The following LARP6 variants were observed in gnomAD, a reference collection of about 807,000 sequenced individuals.
The protein encoded by LARP6 is La ribonucleoprotein 6, translational regulator.
A neutral mutation model predicts 32.8 loss-of-function variants in LARP6; 18 were observed. That is an observed-to-expected ratio of 0.55 (90% CI 0.38 to 0.81). The LOEUF is 0.81. Ranked by LOEUF, LARP6 falls within the 40% of genes least tolerant of loss-of-function variation. The pLI is 0.00. For missense variants in LARP6, 598 were observed against 663.1 expected (o/e 0.90, Z 1.08); for synonymous variants, 289 against 267.2 (o/e 1.08, Z -0.80).
At chr15:70,852,407 G>T in intron 1 of LARP6, 1 of 362,704 alleles carries the variant, frequency 2.8e-6, no homozygotes, top group Non-Finnish European at 5.5e-6. Context: ...GACCTCCATA[G>T]GGGATCTTTC....
chr15:70,844,867 A>G (rs939613438), intron 1 of LARP6, among the ~76,000 whole-genome samples: 3 of 152,098 alleles, frequency 2.0e-5, no homozygotes, highest in Non-Finnish European at 2.9e-5. Context: ...TGCTAGTTGG[A>G]GTATACATTT....
At chr15:70,853,086 A>C (rs1419227034) in intron 1 of LARP6, among the ~76,000 whole-genome samples, 1 of 152,156 alleles carries the variant, frequency 6.6e-6, no homozygotes, top group Non-Finnish European at 1.5e-5. Flanking sequence ...CAGCAGGAAC[A>C]AAACACCAGT....
At position 70,832,452 on chromosome 15, in the gene LARP6, T is replaced by C; in HGVS notation, c.1076A>G (p.Asn359Ser). Residue 359 changes from asparagine (N) to serine (S), a missense_variant, in exon 3 of 3, where the codon AAC becomes AGC. Asn to Ser is a conservative substitution (Grantham distance 46, BLOSUM62 1). This residue lies in a region of LARP6 where 368 missense variants were observed against 397.9 expected (regional missense o/e 0.92). Transcript: ENST00000299213. ...CTGGTGGCCAGACGGGCTGAGCTTG[T>C]TGGTGGCCGCGTGCCGTCGGCCCGC... ...PMAGRRHAAT[N>S]KLSPSGHQNL... 6.4e-7 allele frequency: 1 copy of C among 1,560,366 alleles called. No individual in the cohort carries two copies. Among genetic ancestry groups the C allele is most frequent in the Non-Finnish European group, 8.6e-7 (1 of 1,156,156 alleles).
intron 1 of LARP6, among the ~76,000 whole-genome samples, chr15:70,843,926 G>T (rs1400438613): frequency 3.4e-5 from 5 of 148,924 alleles, no homozygotes; most frequent in African/African-American, 1.2e-4. Context: ...AAAGTGCTAG[G>T]ATTACAGGCG....
At chr15:70,851,887 GTCAA>G in intron 1 of LARP6, 12 of 1,059,196 alleles carry the variant, frequency 1.1e-5, no homozygotes, top group Non-Finnish European at 1.6e-5. Flanking sequence ...CTAGAAATCA[GTCAA>G]TCAGAGGACC....
Position 70,836,504 on chromosome 15 carries a change from C to G in LARP6, c.202G>C (p.Gly68Arg). 1.9e-6 allele frequency: 3 copies of G among 1,613,500 alleles called. No homozygotes were observed. Among genetic ancestry groups the G allele is most frequent in the Non-Finnish European group, 2.5e-6 (3 of 1,179,398 alleles). Residue 68 changes from glycine to arginine, a missense_variant and splice_region_variant, in exon 2 of 3, where the codon GGC (glycine) becomes CGC (arginine). Around this residue, in one of 3 missense-constraint regions of LARP6, gnomAD observed 161 missense variants for 148.6 expected, o/e 1.08. Coordinates refer to ENST00000299213, the MANE Select transcript of LARP6 (RefSeq NM_018357.4). ...SEEEPSRGHS[G>R]TTASGGENER... ...TTCTCACCTCCACTTGCAGTGGTGC[C>G]ACTGAGACCAGAAGGAGACACCGGG...
At chr15:70,844,058 G>T (rs1335781987) in intron 1 of LARP6, among the ~76,000 whole-genome samples, 3 of 151,390 alleles carry the variant, frequency 2.0e-5, no homozygotes, top group Admixed American at 6.6e-5. Flanking sequence ...CCAGGTTCAA[G>T]CAATTCTCCC....
At chr15:70,840,463 C>G (rs2032232396) in intron 1 of LARP6, among the ~76,000 whole-genome samples, 1 of 152,268 alleles carries the variant, frequency 6.6e-6, no homozygotes, top group Admixed American at 6.5e-5. Context: ...TCGCTTGAAC[C>G]CGGCGGGCGG....
rs547726662 is a variant in LARP6, at chr15:70,831,708, GGAAAAATTCCATACCAAAGAAGAGA to G, written c.*319_*343del. 234 of 173,756 alleles carry G rather than the reference GGAAAAATTCCATACCAAAGAAGAGA, an allele frequency of 1.3e-3. No homozygotes were observed. Among genetic ancestry groups the G allele is most frequent in the Non-Finnish European group, 2.3e-3 (190 of 82,906 alleles). 10.8% of individuals were successfully genotyped at this position (173,756 alleles called of 1,614,324 possible). A position where few individuals can be genotyped will look rare whatever the true frequency, so the allele number is the denominator to read the frequency against. ...ATCGAGGACAGCTCAGTCACTGAAGGGAAAAATTCCATACCAAAGAAGAGAGAAAAATTCCATACCAAAGAACAGA... is the reference window on the plus strand; with the variant it reads ...ATCGAGGACAGCTCAGTCACTGAAGGGAAAAATTCCATACCAAAGAACAGA... On this transcript the variant is annotated 3_prime_UTR_variant, in exon 3 of 3. Transcript: ENST00000299213.
chr15:70,840,840 C>T (rs1052646477), intron 1 of LARP6, among the ~76,000 whole-genome samples: 2 of 151,874 alleles, frequency 1.3e-5, no homozygotes, highest in African/African-American at 4.8e-5. Flanking sequence ...GCAATAGATG[C>T]TATTACAAAA....
At chr15:70,852,025 G>A (rs990785893) in intron 1 of LARP6, 5 of 403,564 alleles carry the variant, frequency 1.2e-5, no homozygotes, top group African/African-American at 2.1e-5. Context: ...CTGAGGAGAT[G>A]ATGTGAGTGG....
At chr15:70,837,639 C>T (rs904812924) in intron 1 of LARP6, among the ~76,000 whole-genome samples, 9 of 152,290 alleles carry the variant, frequency 5.9e-5, no homozygotes, top group African/African-American at 1.4e-4. Flanking sequence ...GGTGCGATCT[C>T]CATGTGGATA....
Position 70,832,360 on chromosome 15 carries a change from T to A in LARP6, c.1168A>T (p.Lys390Ter). ...SPWSSPLAQR[K>*]GVSRKSPLAE... ...AGTGGGGACTTTCTGGAAACGCCTT[T>A]GCGTTGGGCCAAGGGGCTGCTCCAA... Residue 390 changes from lysine to a stop codon, truncating the protein, a stop_gained, in exon 3 of 3, where the codon AAA becomes TAA. Transcript: ENST00000299213. LOFTEE classifies it high-confidence loss of function. The A allele has an allele frequency of 1.2e-6, 2 of 1,614,062 alleles. No homozygotes were observed. Among genetic ancestry groups the A allele is most frequent in the Non-Finnish European group, 1.7e-6 (2 of 1,179,938 alleles).
chr15:70,850,194 T>A (rs564343944), intron 1 of LARP6, among the ~76,000 whole-genome samples: 1 of 152,148 alleles, frequency 6.6e-6, no homozygotes, highest in Non-Finnish European at 1.5e-5. Flanking sequence ...CAATAACAAG[T>A]AAGGAGATTG....
rs900455747 is a variant in LARP6 at position 70,829,559 on chromosome 15, A to C, written c.*2493T>G. 1.3e-5 allele frequency: 2 copies of C among 152,256 alleles called. No homozygotes were observed. The highest frequency in any genetic ancestry group is 1.5e-5 in the Non-Finnish European group (1 of 68,046). 9.4% of individuals were successfully genotyped at this position (152,256 alleles called of 1,614,324 possible). ...CAGACAGCAGGATAAGTAGTGACTA[A>C]TGCCTGCAAAGCACTTTTCCATTCA... On this transcript the variant is annotated 3_prime_UTR_variant, in exon 3 of 3. Transcript: ENST00000299213.
chr15:70,833,448 C>CAA (rs1184980967), intron 2 of LARP6, among the ~76,000 whole-genome samples: 1 of 152,182 alleles, frequency 6.6e-6, no homozygotes, highest in Non-Finnish European at 1.5e-5. Context: ...ATCAAAGGCC[C>CAA]ACCTCTAGCT....
intron 2 of LARP6, among the ~76,000 whole-genome samples, chr15:70,835,973 C>T (rs1183930447): frequency 6.6e-6 from 1 of 152,182 alleles, no homozygotes; most frequent in African/African-American, 2.4e-5. Context: ...GCCTTCGAGT[C>T]CGTCTGTCCT....
chr15:70,840,209 T>C (rs1350032300), intron 1 of LARP6, among the ~76,000 whole-genome samples: 1 of 152,200 alleles, frequency 6.6e-6, no homozygotes, highest in Admixed American at 6.5e-5. Context: ...AATTTCACTT[T>C]ATTAGGGAAA....
At chr15:70,851,648 G>A in intron 1 of LARP6, 2 of 1,613,764 alleles carry the variant, frequency 1.2e-6, no homozygotes, top group Non-Finnish European at 1.7e-6. Context: ...CCTATGTGCT[G>A]GGTGCTGTGC....
Sources: allele counts gnomAD v4.1 joint callset (sites outside exome capture counted in the v4.1 genomes callset), GRCh38; gene constraint gnomAD v4.1.1; regional missense constraint gnomAD v4.1.1; transcripts MANE v1.5; gene names NCBI Gene and HGNC (gene_info 2026-07-23, HGNC 2026-07-21).